Variants in SUGCT observed in about 807,000 individuals in gnomAD.
SUGCT encodes succinyl-CoA:glutarate-CoA transferase.
SUGCT carries 41 observed loss-of-function variants against 55.0 expected under a neutral mutation model. The ratio of observed to expected loss-of-function variants is 0.74; its 90% CI spans 0.58 to 0.97. SUGCT has a LOEUF of 0.97. SUGCT is among the 50% of genes least tolerant of loss of function. The pLI, the probability that SUGCT is intolerant of heterozygous loss-of-function variation, is 0.00. For missense variants in SUGCT, 568 were observed against 547.8 expected, an observed-to-expected ratio of 1.04 and a Z score of -0.37; for synonymous variants, 187 against 200.4, an observed-to-expected ratio of 0.93 and a Z score of 0.56.
intron 7 of SUGCT, among the ~76,000 whole-genome samples, chr7:40,269,034 TCA>T (rs1791809555): frequency 6.6e-6 from 1 of 152,226 alleles, no homozygotes; most frequent in African/African-American, 2.4e-5. Context: ...AGACTGTTTA[TCA>T]CAGTGACTAC....
At chr7:40,778,712 C>A (rs898804752) in intron 13 of SUGCT, among the ~76,000 whole-genome samples, 1 of 152,224 alleles carries the variant, frequency 6.6e-6, no homozygotes, top group Admixed American at 6.5e-5. Flanking sequence ...GTAAAACTTA[C>A]ACCTTTCTTA....
chr7:40,518,641 A>C (rs1195917415), intron 12 of SUGCT, among the ~76,000 whole-genome samples: 1 of 152,122 alleles, frequency 6.6e-6, no homozygotes, highest in East Asian at 1.9e-4. Flanking sequence ...TGTAGCTCCC[A>C]GATCTTGTTT....
intron 3 of SUGCT, among the ~76,000 whole-genome samples, chr7:40,186,282 A>G (rs1331016965): frequency 7.4e-6 from 1 of 134,308 alleles, no homozygotes; most frequent in Non-Finnish European, 1.5e-5. Flanking sequence ...TTCTTTTCAC[A>G]GGATCTTGCT....
intron 13 of SUGCT, among the ~76,000 whole-genome samples, chr7:40,772,277 T>C (rs1357047367): frequency 1.3e-5 from 2 of 152,166 alleles, no homozygotes; most frequent in Non-Finnish European, 2.9e-5. Flanking sequence ...TATCAGCCCA[T>C]ACGTAAGTCT....
At chr7:40,711,251 C>G (rs1176226493) in intron 12 of SUGCT, among the ~76,000 whole-genome samples, 1 of 152,184 alleles carries the variant, frequency 6.6e-6, no homozygotes, top group East Asian at 1.9e-4. Context: ...GTGGCCCATG[C>G]CTGTAATCCC....
At chr7:40,330,069 C>T (rs1057201494) in intron 9 of SUGCT, among the ~76,000 whole-genome samples, 1 of 152,156 alleles carries the variant, frequency 6.6e-6, no homozygotes, top group African/African-American at 2.4e-5. Context: ...AGAACAGCAT[C>T]CTGGGCTTCT....
At chr7:40,960,902 C>T in the SUGCT span, among the ~76,000 whole-genome samples, 1 of 152,176 alleles carries the variant, frequency 6.6e-6, no homozygotes, top group Non-Finnish European at 1.5e-5. Context: ...AGCAGTCACA[C>T]ACTTATATCA....
intron 12 of SUGCT, among the ~76,000 whole-genome samples, chr7:40,522,489 A>C (rs925790820): frequency 2.6e-5 from 4 of 152,014 alleles, no homozygotes; most frequent in Non-Finnish European, 5.9e-5. Context: ...TAACAACTTA[A>C]TTTTTTTACT....
intron 13 of SUGCT, among the ~76,000 whole-genome samples, chr7:40,785,633 C>T (rs573357813): frequency 7.2e-5 from 11 of 151,974 alleles, no homozygotes; most frequent in Non-Finnish European, 1.3e-4. Context: ...TTGCAGCACA[C>T]GGTTCCATTT....
intron 12 of SUGCT, among the ~76,000 whole-genome samples, chr7:40,567,257 T>G (rs1366137045): frequency 6.6e-6 from 1 of 152,250 alleles, no homozygotes; most frequent in African/African-American, 2.4e-5. Context: ...CTTCAAGGCC[T>G]AAATTAACTC....
At chr7:40,192,926 C>T (rs1786002405) in intron 5 of SUGCT, among the ~76,000 whole-genome samples, 2 of 151,512 alleles carry the variant, frequency 1.3e-5, no homozygotes, top group Middle Eastern at 3.4e-3. Flanking sequence ...AGCTACTGTG[C>T]CTGGCCAGCC....
In SUGCT at chr7:40,439,070, A is replaced by ATATGTGTGTGTG. The variant is rs1554338605; in HGVS notation, c.817-10214_817-10213insGTGTGTGTGTAT. ...TATATGGTATATATATGGTGTATAT[A>ATATGTGTGTGTG]TATATATATATATATATATATATAT... On this transcript the variant is annotated intron_variant, in intron 9 of 13. Coordinates refer to ENST00000335693, the MANE Select transcript of SUGCT (RefSeq NM_001193313.2). Among the ~76,000 whole-genome samples the ATATGTGTGTGTG allele has an allele frequency of 3.6e-4, 19 of 52,476 alleles. 1 individual carries two copies. The highest frequency in any genetic ancestry group is 1.1e-3 in the African/African-American group (12 of 11,062). 34.4% of individuals were successfully genotyped at this position (52,476 alleles called of 152,430 possible). A position where few individuals can be genotyped will look rare whatever the true frequency, so the allele number is the denominator to read the frequency against.
chr7:40,308,406 T>C (rs536428819), intron 8 of SUGCT, among the ~76,000 whole-genome samples: 1 of 152,292 alleles, frequency 6.6e-6, no homozygotes, highest in African/African-American at 2.4e-5. Flanking sequence ...AGTTTTTTCT[T>C]ATAAAATGGG....
In SUGCT at chr7:40,550,962, G is replaced by A. The variant is rs116753241; in HGVS notation, c.1089+54576G>A. On this transcript the variant is annotated intron_variant, in intron 12 of 13. Coordinates refer to ENST00000335693, the MANE Select transcript of SUGCT (RefSeq NM_001193313.2). Reference sequence around the variant, plus strand: ...GCCTTCTGTTTTACCCATTTTACCTGTTTTCTTCTCTTTTCTCTTGTCTTG... The same window carrying A: ...GCCTTCTGTTTTACCCATTTTACCTATTTTCTTCTCTTTTCTCTTGTCTTG... 2.8e-3 allele frequency among the ~76,000 whole-genome samples: 432 copies of A among 152,224 alleles called. 4 individuals carry two copies. The highest frequency in any genetic ancestry group is 9.7e-3 in the African/African-American group (402 of 41,528).
chr7:40,725,846 C>T (rs1435398237), intron 12 of SUGCT, among the ~76,000 whole-genome samples: 1 of 151,896 alleles, frequency 6.6e-6, no homozygotes, highest in East Asian at 1.9e-4. Context: ...CCTTTTATAG[C>T]CTTGATTTTT....
chr7:40,814,130 T>A (rs1791553451), intron 13 of SUGCT, among the ~76,000 whole-genome samples: 1 of 152,130 alleles, frequency 6.6e-6, no homozygotes, highest in African/African-American at 2.4e-5. Context: ...CTTTTAAGAT[T>A]TTTTTCTTTA....
intron 3 of SUGCT, among the ~76,000 whole-genome samples, chr7:40,185,791 G>A (rs1336686439): frequency 6.6e-6 from 1 of 152,060 alleles, no homozygotes; most frequent in African/African-American, 2.4e-5. Context: ...CCAAAGTGCT[G>A]GGATTACAGG....
chr7:40,675,151 C>T (rs1054444510), intron 12 of SUGCT, among the ~76,000 whole-genome samples: 11 of 151,070 alleles, frequency 7.3e-5, no homozygotes, highest in African/African-American at 2.7e-4. Flanking sequence ...ACCTCCGCCT[C>T]TTGGGTTCAA....
chr7:40,241,919 C>CA (rs34968969), intron 7 of SUGCT, among the ~76,000 whole-genome samples: 109,148 of 130,806 alleles, frequency 0.83, 45,059 homozygotes, highest in East Asian at 0.97. Flanking sequence ...ACTCTGTCTC[C>CA]AAAAAAAAAA....
Sources: allele counts gnomAD v4.1 joint callset (sites outside exome capture counted in the v4.1 genomes callset), GRCh38; gene constraint gnomAD v4.1.1; transcripts MANE v1.5; gene names NCBI Gene and HGNC (gene_info 2026-07-23, HGNC 2026-07-21).